Variants in KHDRBS2 observed in about 807,000 individuals in gnomAD.
The protein encoded by KHDRBS2 is KH domain-containing, RNA-binding, signal transduction-associated protein 2.
Under a neutral mutation model 44.3 loss-of-function variants are expected in KHDRBS2, and 26 were observed. That is an observed-to-expected ratio of 0.59 (90% confidence interval 0.43 to 0.81). The LOEUF is 0.81. Ranked by LOEUF, KHDRBS2 falls within the 40% of genes least tolerant of loss-of-function variation. The pLI is 0.00. For missense variants in KHDRBS2, 476 were observed against 433.1 expected (o/e 1.10, Z -0.88); for synonymous variants, 194 against 151.1 (o/e 1.28, Z -2.08).
At position 62,285,940 on chromosome 6, in the gene KHDRBS2, C is replaced by G; in HGVS notation, c.9G>C (p.Glu3Asp). Reference sequence around the variant, plus strand: ...CCATCAGCTCAGGCAAATATTTCTCCTCTTCCATAGCGCGGACTTCGGATT... The same window carrying G: ...CCATCAGCTCAGGCAAATATTTCTCGTCTTCCATAGCGCGGACTTCGGATT... ME[E>D]EKYLPELMAE... is the part of the protein sequence containing the mutation. The change falls in exon 1 of 9, where the codon GAG (glutamate) becomes GAC (aspartate). Residue 3 changes from glutamate to aspartate, a missense_variant. Glu to Asp is a conservative substitution (Grantham distance 45, BLOSUM62 2). Transcript: ENST00000281156. The G allele has an allele frequency of 6.2e-7, 1 of 1,610,086 alleles. No individual in the cohort carries two copies. The highest frequency in any genetic ancestry group is 1.1e-5 in the South Asian group (1 of 90,912).
chr6:61,660,129 G>A, the KHDRBS2 span, among the ~76,000 whole-genome samples: 16 of 151,918 alleles, frequency 1.1e-4, no homozygotes, highest in East Asian at 3.9e-4. Context: ...AACAACAGGC[G>A]TAAACCAGGA....
intron 1 of KHDRBS2, among the ~76,000 whole-genome samples, chr6:62,219,957 T>C (rs1000074183): frequency 6.8e-6 from 1 of 148,012 alleles, no homozygotes; most frequent in African/African-American, 2.4e-5. Context: ...TATAACTGTA[T>C]ATACTATCTG....
At chr6:62,086,267 A>C (rs965634981) in intron 2 of KHDRBS2, among the ~76,000 whole-genome samples, 2 of 152,178 alleles carry the variant, frequency 1.3e-5, no homozygotes, top group Admixed American at 6.5e-5. Flanking sequence ...AGCACTACTG[A>C]GTACTTCAAA....
At chr6:61,579,468 T>C in the KHDRBS2 span, among the ~76,000 whole-genome samples, 5 of 152,184 alleles carry the variant, frequency 3.3e-5, no homozygotes, top group Non-Finnish European at 7.3e-5. Flanking sequence ...AGTCTCTATT[T>C]ACTTTGTTTT....
At chr6:62,180,307 C>T (rs1407695866) in intron 1 of KHDRBS2, among the ~76,000 whole-genome samples, 2 of 151,744 alleles carry the variant, frequency 1.3e-5, no homozygotes, top group East Asian at 1.9e-4. Flanking sequence ...AAAGACTTCA[C>T]GTAAAAACTA....
chr6:61,884,193 G>C (rs1348116035), intron 6 of KHDRBS2, among the ~76,000 whole-genome samples: 1 of 152,088 alleles, frequency 6.6e-6, no homozygotes, highest in South Asian at 2.1e-4. Context: ...GTTACTGGAA[G>C]GATGCCTCAG....
chr6:62,000,958 A>C (rs1490367441), intron 3 of KHDRBS2, among the ~76,000 whole-genome samples: 1 of 152,202 alleles, frequency 6.6e-6, no homozygotes, highest in Non-Finnish European at 1.5e-5. Flanking sequence ...AAATAGTTCA[A>C]AAGAAAAATT....
intron 2 of KHDRBS2, among the ~76,000 whole-genome samples, chr6:62,138,067 G>C (rs1332326595): frequency 6.6e-6 from 1 of 152,142 alleles, no homozygotes; most frequent in African/African-American, 2.4e-5. Context: ...TAACTGACGT[G>C]TGGGCTGACT....
At chr6:61,728,730 AAGAT>A (rs1216295467) in intron 7 of KHDRBS2, among the ~76,000 whole-genome samples, 2 of 152,204 alleles carry the variant, frequency 1.3e-5, no homozygotes, top group African/African-American at 4.8e-5. Flanking sequence ...ACACACATGA[AAGAT>A]AGATAAAAAG....
intron 4 of KHDRBS2, among the ~76,000 whole-genome samples, chr6:61,927,769 T>C (rs1321104868): frequency 1.3e-5 from 2 of 152,132 alleles, no homozygotes; most frequent in African/African-American, 4.8e-5. Flanking sequence ...CATAATACCA[T>C]ATAATGCCCA....
chr6:61,681,642 CAAA>C (rs1766321647), intron 8 of KHDRBS2, among the ~76,000 whole-genome samples: 1 of 151,600 alleles, frequency 6.6e-6, no homozygotes, highest in African/African-American at 2.4e-5. Context: ...GTAAACAAAA[CAAA>C]ACACAAAGAT....
At chr6:61,754,099 G>T (rs564592107) in intron 6 of KHDRBS2, among the ~76,000 whole-genome samples, 1 of 152,138 alleles carries the variant, frequency 6.6e-6, no homozygotes, top group Non-Finnish European at 1.5e-5. Flanking sequence ...AACTGCGAGA[G>T]AATAGATTTT....
intron 6 of KHDRBS2, among the ~76,000 whole-genome samples, chr6:61,888,278 T>C (rs1235978106): frequency 6.6e-6 from 1 of 152,174 alleles, no homozygotes; most frequent in East Asian, 1.9e-4. Context: ...TTCTTCCCTA[T>C]GGTTAGAGGT....
intron 4 of KHDRBS2, among the ~76,000 whole-genome samples, chr6:61,937,799 T>C (rs1202072972): frequency 6.6e-6 from 1 of 152,090 alleles, no homozygotes; most frequent in Non-Finnish European, 1.5e-5. Flanking sequence ...TTAAACTCTA[T>C]CCTTTAAGGC....
chr6:62,034,887 G>A (rs182415169), intron 3 of KHDRBS2, among the ~76,000 whole-genome samples: 3 of 151,926 alleles, frequency 2.0e-5, no homozygotes, highest in Admixed American at 6.6e-5. Context: ...ATGAAAAGGT[G>A]TCCACATCAT....
the KHDRBS2 span, among the ~76,000 whole-genome samples, chr6:61,649,947 G>A: frequency 6.6e-6 from 1 of 152,088 alleles, no homozygotes; most frequent in African/African-American, 2.4e-5. Context: ...CCTTGTAACA[G>A]TGCCCTGTTC....
chr6:61,627,611 A>G, the KHDRBS2 span, among the ~76,000 whole-genome samples: 9 of 152,214 alleles, frequency 5.9e-5, no homozygotes, highest in Non-Finnish European at 1.3e-4. Context: ...TCATGCCTAT[A>G]TAATGAAGCC....
At chr6:62,153,016 G>A (rs1446077458) in intron 2 of KHDRBS2, among the ~76,000 whole-genome samples, 2 of 152,322 alleles carry the variant, frequency 1.3e-5, no homozygotes, top group Admixed American at 6.5e-5. Flanking sequence ...TGGTGATTAC[G>A]TATGTGAATG....
intron 1 of KHDRBS2, among the ~76,000 whole-genome samples, chr6:62,180,670 T>C (rs1338232549): frequency 1.3e-5 from 2 of 151,822 alleles, no homozygotes; most frequent in Non-Finnish European, 2.9e-5. Context: ...AATGACATTT[T>C]TTACAAAAAT....
Sources: allele counts gnomAD v4.1 joint callset (sites outside exome capture counted in the v4.1 genomes callset), GRCh38; gene constraint gnomAD v4.1.1; transcripts MANE v1.5; gene names NCBI Gene and HGNC (gene_info 2026-07-23, HGNC 2026-07-21).